Variants in LUC7L2 observed in about 807,000 individuals in gnomAD.
LUC7L2 encodes the protein LUC7 like 2, pre-mRNA splicing factor, also known as putative RNA-binding protein Luc7-like 2.
Under a neutral mutation model 52.8 loss-of-function variants are expected in LUC7L2, and 25 were observed. The ratio of observed to expected loss-of-function variants is 0.47; its 90% confidence interval spans 0.34 to 0.66. The LOEUF is 0.66. Among genes scored for constraint, LUC7L2 ranks in the 30% least tolerant of loss-of-function variants. The pLI is 0.01. For synonymous variants in LUC7L2, 144 were observed against 160.9 expected (o/e 0.89, Z 0.80); for missense variants, 328 against 497.8 (o/e 0.66, Z 3.25).
chr7:139,343,751 A>G (rs552709830), intron 1 of LUC7L2, among the ~76,000 whole-genome samples: 6 of 152,252 alleles, frequency 3.9e-5, no homozygotes, highest in African/African-American at 9.6e-5. Context: ...CCTGGGCAAC[A>G]TGGTGAAACC....
At chr7:139,349,397 A>G (rs1162296515) in intron 1 of LUC7L2, among the ~76,000 whole-genome samples, 2 of 152,114 alleles carry the variant, frequency 1.3e-5, no homozygotes, top group African/African-American at 4.8e-5. Context: ...TGTACCTCCT[A>G]TTCATAGTCG....
At chr7:139,340,799 C>T (rs752481071) in intron 1 of LUC7L2, among the ~76,000 whole-genome samples, 82 of 151,810 alleles carry the variant, frequency 5.4e-4, no homozygotes, top group Middle Eastern at 3.4e-3. Context: ...CTTTTTTCCC[C>T]TTTCTAAACA....
chr7:139,358,001 C>G (rs1190677766), upstream of LUC7L2, among the ~76,000 whole-genome samples: 1 of 150,896 alleles, frequency 6.6e-6, no homozygotes, highest in Non-Finnish European at 1.5e-5. Context: ...CAAAAATTTT[C>G]ATTGGCCCAA....
intron 2 of LUC7L2, 90 bp from the exon 3 acceptor site, chr7:139,398,507 CTT>C: frequency 3.0e-6 from 3 of 986,672 alleles, no homozygotes; most frequent in Non-Finnish European, 4.3e-6. Context: ...ATCTGTATGA[CTT>C]AATATGTATT....
intron 9 of LUC7L2, among the ~76,000 whole-genome samples, chr7:139,418,285 A>G (rs903627244): frequency 3.3e-5 from 5 of 152,166 alleles, no homozygotes; most frequent in Middle Eastern, 3.2e-3. Flanking sequence ...AGGTGCAGGC[A>G]TAGGGTAAGG....
At chr7:139,363,321 C>T (rs1799976184) in intron 1 of LUC7L2, 1 of 819,728 alleles carries the variant, frequency 1.2e-6, no homozygotes, top group Non-Finnish European at 1.5e-6. Context: ...GTAACTCATA[C>T]CCATATAACT....
chr7:139,384,720 A>G lies in LUC7L2; in HGVS notation c.156+8564A>G, dbSNP rs143554572. Among the ~76,000 whole-genome samples the G allele has an allele frequency of 5.3e-5, 8 of 152,118 alleles. No individual in the cohort carries two copies. The East Asian group carries it at 1.6e-3, about 30-fold the overall frequency. On this transcript the variant is annotated intron_variant, in intron 2 of 9. Coordinates refer to ENST00000354926, the MANE Select transcript of LUC7L2 (RefSeq NM_016019.5). ...TAAACGGGGTACTCACGCCCTTTGG[A>G]AATAATCCTTTTCTGTCATTCTGAA...
chr7:139,350,715 T>C (rs1352689373), intron 1 of LUC7L2, among the ~76,000 whole-genome samples: 1 of 151,240 alleles, frequency 6.6e-6, no homozygotes, highest in Middle Eastern at 3.4e-3. Flanking sequence ...CTCGCCCAGT[T>C]GCCAGGCTGG....
chr7:139,385,546 C>T (rs1794159114), intron 2 of LUC7L2, among the ~76,000 whole-genome samples: 1 of 152,004 alleles, frequency 6.6e-6, no homozygotes, highest in Non-Finnish European at 1.5e-5. Context: ...TTCTCAAACT[C>T]CTGGCCTCAA....
Position 139,359,997 on chromosome 7 carries a change from G to C in LUC7L2, c.-265G>C. The stretch of plus-strand genomic sequence containing the variant: ...TTGAAGGCGAGAGCTTGCTTGGCCC[G>C]TGTCGCTTCTGTCCCAAGAACCGGA... On this transcript the variant is annotated 5_prime_UTR_variant, in exon 1 of 10. Coordinates refer to ENST00000354926, the MANE Select transcript of LUC7L2 (RefSeq NM_016019.5). The C allele has an allele frequency of 2.1e-6, 1 of 465,964 alleles. No homozygotes were observed. Among genetic ancestry groups the C allele is most frequent in the Non-Finnish European group, 3.8e-6 (1 of 263,054 alleles). The allele number at this position is 465,964 out of a possible 1,614,324, so 28.9% of individuals were successfully genotyped here.
chr7:139,368,629 C>T (rs1183371686), intron 1 of LUC7L2, among the ~76,000 whole-genome samples: 2 of 150,938 alleles, frequency 1.3e-5, no homozygotes, highest in Non-Finnish European at 2.9e-5. Flanking sequence ...TCCCAGCCAC[C>T]CGGGAGGCTG....
intron 2 of LUC7L2, 147 bp downstream of exon 2, chr7:139,376,303 A>T: frequency 1.2e-6 from 1 of 811,598 alleles, no homozygotes; most frequent in Non-Finnish European, 1.8e-6. Context: ...TGATTACTTA[A>T]ATCTTCAGTA....
At chr7:139,393,494 C>A (rs568831800) in intron 2 of LUC7L2, among the ~76,000 whole-genome samples, 1 of 151,744 alleles carries the variant, frequency 6.6e-6, no homozygotes, top group African/African-American at 2.4e-5. Context: ...CTCTGTTTCC[C>A]GGGCTGGAGT....
intron 7 of LUC7L2, among the ~76,000 whole-genome samples, chr7:139,410,298 AT>A (rs60534122): frequency 0.22 from 33,081 of 150,074 alleles, 8,558 homozygotes; most frequent in African/African-American, 0.63. Context: ...TAGAATTATT[AT>A]TTTTTTTTTA....
intron 1 of LUC7L2, among the ~76,000 whole-genome samples, chr7:139,363,929 A>G (rs1800006005): frequency 1.3e-5 from 2 of 151,638 alleles, no homozygotes; most frequent in African/African-American, 4.9e-5. Flanking sequence ...GGAAGATGCA[A>G]GCAATAAGAA....
chr7:139,373,871 T>G (rs879739912), intron 1 of LUC7L2, among the ~76,000 whole-genome samples: 9 of 152,244 alleles, frequency 5.9e-5, no homozygotes, highest in Non-Finnish European at 1.3e-4. Flanking sequence ...ATTTAGATAC[T>G]TTTAGCAGGA....
chr7:139,341,035 C>T (rs931772180), intron 1 of LUC7L2: 7 of 223,210 alleles, frequency 3.1e-5, no homozygotes, highest in Non-Finnish European at 6.2e-5. Context: ...CAAATCCACA[C>T]CCACACCCCC....
chr7:139,350,926 G>A (rs936144739), intron 1 of LUC7L2, among the ~76,000 whole-genome samples: 2 of 151,982 alleles, frequency 1.3e-5, no homozygotes, highest in Non-Finnish European at 2.9e-5. Flanking sequence ...TGCCCGCCTT[G>A]GCCTCCCAAA....
intron 2 of LUC7L2, among the ~76,000 whole-genome samples, chr7:139,386,291 T>G (rs1479658557): frequency 6.6e-6 from 1 of 151,240 alleles, no homozygotes; most frequent in African/African-American, 2.4e-5. Flanking sequence ...CCTGAGCCAC[T>G]GTGCCCAGCC....
Sources: allele counts gnomAD v4.1 joint callset (sites outside exome capture counted in the v4.1 genomes callset), GRCh38; gene constraint gnomAD v4.1.1; transcripts MANE v1.5; gene names NCBI Gene and HGNC (gene_info 2026-07-23, HGNC 2026-07-21).